KTN1: variants seen among roughly 807,000 people sequenced by gnomAD.
KTN1 encodes kinectin.
A neutral mutation model predicts 222.5 loss-of-function variants in KTN1; 130 were observed. The ratio of observed to expected loss-of-function variants is 0.58; its 90% CI spans 0.51 to 0.68. KTN1 has a LOEUF of 0.68. KTN1 is among the 30% of genes least tolerant of loss of function. The pLI, the probability that KTN1 is intolerant of heterozygous loss-of-function variation, is 0.00. For missense variants in KTN1, 1,508 were observed against 1,500.4 expected (o/e 1.01, Z -0.08); for synonymous variants, 512 against 496.3 (o/e 1.03, Z -0.42).
chr14:55,681,102 T>C (rs2046326830), intron 43 of KTN1: 1 of 188,070 alleles, frequency 5.3e-6, no homozygotes, highest in African/African-American at 2.4e-5. Flanking sequence ...ATACTCTCTA[T>C]CTACTTATTT....
chr14:55,645,812 G>C (rs2042227122), intron 18 of KTN1, among the ~76,000 whole-genome samples: 1 of 152,112 alleles, frequency 6.6e-6, no homozygotes, highest in Non-Finnish European at 1.5e-5. Context: ...CCAAAACTTA[G>C]GCATTAAAGA....
Position 55,671,592 on chromosome 14 carries a change from T to C in KTN1, c.3375T>C (p.Ala1125=), listed in dbSNP as rs746237185. The stretch of plus-strand genomic sequence containing the variant: ...TTCTAGAGCACAAGTTGAAAGAAGC[T>C]GATGAAATGCACACATTGTTACAGC... The part of the protein sequence containing the change: ...VKVLEHKLKE[A]DEMHTLLQLE... Residue 1125 remains alanine (A), a synonymous_variant, in exon 36 of 44, where the codon GCT becomes GCC. Transcript: ENST00000395314. 1.9e-6 allele frequency: 3 copies of C among 1,612,264 alleles called. No homozygotes were observed. The highest frequency in any genetic ancestry group is 1.7e-5 in the Admixed American group (1 of 59,714).
chr14:55,644,548 C>A, intron 18 of KTN1: 2 of 494,954 alleles, frequency 4.0e-6, no homozygotes, highest in Non-Finnish European at 7.3e-6. Flanking sequence ...ATTTCATTTA[C>A]TCAGAATAAG....
intron 1 of KTN1, among the ~76,000 whole-genome samples, chr14:55,581,593 C>T (rs1240069257): frequency 6.6e-6 from 1 of 152,132 alleles, no homozygotes; most frequent in Non-Finnish European, 1.5e-5. Flanking sequence ...GCCAGCCCAG[C>T]TAAAGATAAG....
intron 29 of KTN1, 79 bp from the exon 30 acceptor site, chr14:55,658,467 T>C: frequency 1.2e-6 from 1 of 823,612 alleles, no homozygotes; most frequent in Non-Finnish European, 2.1e-6. Flanking sequence ...GCTTGTATGA[T>C]CTGTTTCTAG....
intron 1 of KTN1, among the ~76,000 whole-genome samples, chr14:55,595,593 T>C (rs1026453028): frequency 2.6e-5 from 4 of 152,252 alleles, no homozygotes; most frequent in African/African-American, 9.6e-5. Flanking sequence ...GTTAGTAAGG[T>C]CAGGCTTAGT....
intron 28 of KTN1, among the ~76,000 whole-genome samples, chr14:55,655,441 C>T (rs146092747): frequency 6.4e-4 from 98 of 152,218 alleles, no homozygotes; most frequent in African/African-American, 2.2e-3. Context: ...TTCAGCTCAA[C>T]GAATACTTGA....
At chr14:55,672,379 A>G (rs1323065639) in intron 37 of KTN1, 1 of 337,654 alleles carries the variant, frequency 3.0e-6, no homozygotes, top group Non-Finnish European at 5.4e-6. Flanking sequence ...AATACAGCTG[A>G]ATATCAGTTA....
intron 4 of KTN1, among the ~76,000 whole-genome samples, chr14:55,618,703 G>T (rs115441807): frequency 6.6e-6 from 1 of 152,160 alleles, no homozygotes; most frequent in South Asian, 2.1e-4. Context: ...TGTCAGGATG[G>T]TTTGCATATA....
chr14:55,641,623 ACC>A, intron 17 of KTN1, 67 bp from the exon 18 acceptor site: 1 of 941,928 alleles, frequency 1.1e-6, no homozygotes, highest in Non-Finnish European at 1.8e-6. Flanking sequence ...TTGTTCAAAA[ACC>A]CATTCAAATG....
At chr14:55,618,443 T>A (rs942961090) in intron 4 of KTN1, among the ~76,000 whole-genome samples, 4 of 152,306 alleles carry the variant, frequency 2.6e-5, no homozygotes, top group Middle Eastern at 3.4e-3. Context: ...CTGTTTTTTT[T>A]AGAGTAGTTT....
chr14:55,590,812 AT>A (rs2033977493), intron 1 of KTN1, among the ~76,000 whole-genome samples: 1 of 151,822 alleles, frequency 6.6e-6, no homozygotes, highest in Admixed American at 6.6e-5. Flanking sequence ...AGTAGCTGGG[AT>A]TACAGGCATG....
chr14:55,584,680 C>T (rs1430478097), intron 1 of KTN1, among the ~76,000 whole-genome samples: 2 of 152,106 alleles, frequency 1.3e-5, no homozygotes, highest in East Asian at 1.9e-4. Context: ...TATATAATTT[C>T]CTGGTTGTGT....
At chr14:55,662,557 C>A (rs1178695631) in intron 32 of KTN1, among the ~76,000 whole-genome samples, 2 of 152,152 alleles carry the variant, frequency 1.3e-5, no homozygotes, top group Non-Finnish European at 2.9e-5. Context: ...TACCAGAGGG[C>A]AACACCTGTA....
chr14:55,653,322 A>G (rs1295648533), intron 27 of KTN1, among the ~76,000 whole-genome samples: 25 of 152,062 alleles, frequency 1.6e-4, no homozygotes, highest in Non-Finnish European at 3.7e-4. Flanking sequence ...TTTCAAATAG[A>G]CTCTTAGTTC....
chr14:55,612,010 C>T lies in KTN1; in HGVS notation c.-30-9C>T, dbSNP rs1445150877. On this transcript the variant is annotated splice_polypyrimidine_tract_variant and intron_variant, in intron 1 of 43. Transcript: ENST00000395314. ...TTTTTTTTTTGTCCCCACCTTCTTC[C>T]CTATTTAGGTTTTATAGGATCACAT... 8.4e-7 allele frequency: 1 copy of T among 1,183,826 alleles called. No homozygotes were observed. 73.3% of individuals were successfully genotyped at this position (1,183,826 alleles called of 1,614,324 possible). A position where few individuals can be genotyped will look rare whatever the true frequency, so the allele number is the denominator to read the frequency against.
intron 1 of KTN1, among the ~76,000 whole-genome samples, chr14:55,608,494 T>C (rs1249855071): frequency 6.6e-6 from 1 of 152,194 alleles, no homozygotes; most frequent in South Asian, 2.1e-4. Flanking sequence ...TTTAGCAGCA[T>C]TGAATTGAAT....
chr14:55,672,042 G>A, intron 37 of KTN1, 165 bp downstream of exon 37: 1 of 564,406 alleles, frequency 1.8e-6, no homozygotes, highest in Middle Eastern at 2.8e-4. Context: ...CTCCAGAATA[G>A]TCTAATGCCC....
intron 1 of KTN1, among the ~76,000 whole-genome samples, chr14:55,589,867 C>T (rs933258357): frequency 6.6e-6 from 1 of 151,858 alleles, no homozygotes; most frequent in Non-Finnish European, 1.5e-5. Flanking sequence ...CCATGTTGGC[C>T]AGGATGGTCT....
Sources: allele counts gnomAD v4.1 joint callset (sites outside exome capture counted in the v4.1 genomes callset), GRCh38; gene constraint gnomAD v4.1.1; transcripts MANE v1.5; gene names NCBI Gene and HGNC (gene_info 2026-07-23, HGNC 2026-07-21).